The following HSPA12A variants were observed in gnomAD, a reference collection of about 807,000 sequenced individuals.
The protein encoded by HSPA12A is heat shock protein family A (Hsp70) member 12A, also known as heat shock 70 kDa protein 12A.
A neutral mutation model predicts 69.2 loss-of-function variants in HSPA12A; 28 were observed. That is an observed-to-expected ratio of 0.40 (90% CI 0.30 to 0.55). HSPA12A has a LOEUF of 0.55. Ranked by LOEUF, HSPA12A falls within the 20% of genes least tolerant of loss-of-function variation. HSPA12A has a pLI of 0.38. For synonymous variants in HSPA12A, 345 were observed against 370.5 expected (o/e 0.93, Z 0.79); for missense variants, 686 against 900.7 (o/e 0.76, Z 3.05).
At chr10:116,678,211 T>C (rs1345140045) in intron 10 of HSPA12A, among the ~76,000 whole-genome samples, 4 of 152,024 alleles carry the variant, frequency 2.6e-5, no homozygotes, top group Non-Finnish European at 5.9e-5. Flanking sequence ...TGGCTGCTAA[T>C]ATCACAAAAG....
chr10:116,724,874 C>G (rs563879413), intron 1 of HSPA12A, among the ~76,000 whole-genome samples: 1 of 152,264 alleles, frequency 6.6e-6, no homozygotes, highest in Admixed American at 6.5e-5. Context: ...ATCAGGACCC[C>G]CAGTCTCTAA....
chr10:116,707,987 A>C (rs1044845439), intron 1 of HSPA12A: 2 of 153,138 alleles, frequency 1.3e-5, no homozygotes, highest in African/African-American at 4.8e-5. Context: ...AAACAGGCGA[A>C]GGGCCAGCAG....
At chr10:116,787,846 G>A (rs1844611112) in intron 2 of HSPA12A, among the ~76,000 whole-genome samples, 1 of 152,130 alleles carries the variant, frequency 6.6e-6, no homozygotes, top group African/African-American at 2.4e-5. Flanking sequence ...GGAGGGGTGC[G>A]AGTGAAGCCT....
intron 2 of HSPA12A, among the ~76,000 whole-genome samples, chr10:116,787,563 G>A (rs1484116747): frequency 6.6e-6 from 1 of 151,868 alleles, no homozygotes; most frequent in Non-Finnish European, 1.5e-5. Flanking sequence ...ACGTACAGGC[G>A]TCTGTATTTT....
At chr10:116,707,426 C>T (rs1850291896) in intron 1 of HSPA12A, 141 bp from the exon 2 acceptor site, 1 of 669,784 alleles carries the variant, frequency 1.5e-6, no homozygotes, top group Non-Finnish European at 2.6e-6. Flanking sequence ...GGCCCAGCCC[C>T]AGCCAGGAAG....
At chr10:116,761,926 C>A (rs1843981940) in intron 2 of HSPA12A, among the ~76,000 whole-genome samples, 1 of 152,080 alleles carries the variant, frequency 6.6e-6, no homozygotes, top group East Asian at 1.9e-4. Flanking sequence ...TTTACATTTT[C>A]TTGAGAGACT....
At chr10:116,803,914 C>A (rs888271573) in intron 2 of HSPA12A, among the ~76,000 whole-genome samples, 1 of 152,146 alleles carries the variant, frequency 6.6e-6, no homozygotes, top group African/African-American at 2.4e-5. Context: ...TACCACCACC[C>A]CCTTTTGAAA....
chr10:116,729,477 C>A (rs997287080), intron 1 of HSPA12A, among the ~76,000 whole-genome samples: 1 of 152,078 alleles, frequency 6.6e-6, no homozygotes, highest in Non-Finnish European at 1.5e-5. Flanking sequence ...GGGCACCCAC[C>A]CCCTGCACAG....
chr10:116,750,271 G>A (rs1448004838), intron 2 of HSPA12A: 1 of 816,016 alleles, frequency 1.2e-6, no homozygotes, highest in Admixed American at 1.7e-5. Context: ...GCCAAGTGGA[G>A]GTGACTGGTG....
intron 1 of HSPA12A, among the ~76,000 whole-genome samples, chr10:116,715,411 T>G (rs1345861887): frequency 6.6e-6 from 1 of 152,206 alleles, no homozygotes; most frequent in Non-Finnish European, 1.5e-5. Flanking sequence ...GACCAGACAT[T>G]GGTAATGCTA....
rs2133030082 is a variant in HSPA12A, at chr10:116,723,133, C to T, written c.41-15848G>A. Among the ~76,000 whole-genome samples the T allele has an allele frequency of 6.6e-6, 1 of 152,284 alleles. No individual in the cohort carries two copies. The highest frequency in any genetic ancestry group is 1.9e-4 in the East Asian group (1 of 5,186). On this transcript the variant is annotated intron_variant, in intron 1 of 11. Coordinates refer to ENST00000369209, the MANE Select transcript of HSPA12A (RefSeq NM_025015.3). This position sits in a 1 kb window ranked among gnomAD's most constrained non-coding sequence, Gnocchi z 4.1. ...TGTCACTCCCAGCCTCAAGCACCTACTGTAGCTCTCTATCCCCTTCATATC... is the reference window on the plus strand; with the variant it reads ...TGTCACTCCCAGCCTCAAGCACCTATTGTAGCTCTCTATCCCCTTCATATC...
intron 2 of HSPA12A, chr10:116,830,331 C>T (rs1845590055): frequency 6.6e-6 from 1 of 152,150 alleles, no homozygotes; most frequent in Non-Finnish European, 1.5e-5. Flanking sequence ...ACGTATATTC[C>T]TCCAGACTGC....
chr10:116,773,996 C>A (rs1206203585), intron 2 of HSPA12A, among the ~76,000 whole-genome samples: 2 of 152,012 alleles, frequency 1.3e-5, no homozygotes, highest in Non-Finnish European at 2.9e-5. Flanking sequence ...GGTGGGGGAA[C>A]CTGCTCTGTG....
chr10:116,690,802 T>C (rs1224229564), intron 6 of HSPA12A, among the ~76,000 whole-genome samples: 1 of 132,420 alleles, frequency 7.6e-6, no homozygotes, highest in Non-Finnish European at 1.5e-5. Context: ...TGCACCTCTC[T>C]TTTTTTTTTT....
chr10:116,747,805 C>T (rs1023453938), intron 2 of HSPA12A, among the ~76,000 whole-genome samples: 25 of 151,766 alleles, frequency 1.6e-4, no homozygotes, highest in Admixed American at 1.6e-3. Context: ...TTGAGACCAG[C>T]CTGGCCAACA....
chr10:116,820,852 A>G (rs1299659326), intron 2 of HSPA12A, among the ~76,000 whole-genome samples: 1 of 152,102 alleles, frequency 6.6e-6, no homozygotes, highest in African/African-American at 2.4e-5. Context: ...TCTCCAAATC[A>G]GCAGGTTCCA....
intron 1 of HSPA12A, among the ~76,000 whole-genome samples, chr10:116,841,429 T>C (rs1414971676): frequency 6.6e-6 from 1 of 152,208 alleles, no homozygotes; most frequent in Non-Finnish European, 1.5e-5. Flanking sequence ...AGGTGTTGAA[T>C]GCACAATCAC....
intron 2 of HSPA12A, among the ~76,000 whole-genome samples, chr10:116,807,833 C>T (rs1845097310): frequency 1.3e-5 from 2 of 152,176 alleles, no homozygotes; most frequent in Admixed American, 1.3e-4. Flanking sequence ...GCTACCAACG[C>T]CTCCTCATTC....
At chr10:116,828,810 T>C (rs990830478) in intron 2 of HSPA12A, 1 of 152,232 alleles carries the variant, frequency 6.6e-6, no homozygotes, top group Non-Finnish European at 1.5e-5. Context: ...CTGATTTTTA[T>C]GGAAGAATGA....
Sources: gnomAD v4.1 joint callset for allele counts (sites outside exome capture counted in the v4.1 genomes callset) on GRCh38, gnomAD v4.1.1 for gene constraint, Gnocchi (gnomAD v3.1) non-coding constraint, MANE v1.5 for transcripts, NCBI Gene and HGNC (gene_info 2026-07-23, HGNC 2026-07-21) for gene names.